Variants in CROCC observed in about 807,000 individuals in gnomAD.
The protein encoded by CROCC is ciliary rootlet coiled-coil, rootletin, also known as rootletin.
A neutral mutation model predicts 245.2 loss-of-function variants in CROCC; 180 were observed. The observed-to-expected ratio is 0.73, with a 90% CI of 0.65 to 0.83. The LOEUF is 0.83. Among genes scored for constraint, CROCC ranks in the 40% least tolerant of loss-of-function variants. CROCC has a pLI of 0.00. For synonymous variants in CROCC, 1,205 were observed against 1,241.6 expected (o/e 0.97, Z 0.62); for missense variants, 2,688 against 2,779.4 (o/e 0.97, Z 0.74).
chr1:16,931,515 A>C (rs1231558200), intron 8 of CROCC, 118 bp downstream of exon 8: 1 of 897,402 alleles, frequency 1.1e-6, no homozygotes, highest in Non-Finnish European at 1.8e-6. Flanking sequence ...AGGGCCGGTG[A>C]GGACACAGAG....
chr1:16,919,086 G>A (rs1309788245), upstream of CROCC, among the ~76,000 whole-genome samples: 4 of 152,282 alleles, frequency 2.6e-5, no homozygotes, highest in Non-Finnish European at 4.4e-5. Flanking sequence ...TTGCAACTTG[G>A]CAACATTTAT....
chr1:16,948,969 C>T (rs9435719), intron 19 of CROCC, 43 bp downstream of exon 19: 36,569 of 1,587,946 alleles, frequency 0.023, no homozygotes, highest in Middle Eastern at 0.044. Context: ...AGGTTCCAGC[C>T]CAGACTGCAG....
At chr1:16,933,862 G>A (rs901166906) in intron 8 of CROCC, among the ~76,000 whole-genome samples, 1 of 152,272 alleles carries the variant, frequency 6.6e-6, no homozygotes, top group African/African-American at 2.4e-5. Context: ...CCCGGCCCCT[G>A]CTTTGTCTTT....
chr1:16,944,266 C>T lies in CROCC; in HGVS notation c.1975C>T (p.Arg659Trp), dbSNP rs772824491. ...DAVQDGARVR[R>W]ELERSHRQLE... ...AGTGCAGGATGGCGCGCGGGTGCGC[C>T]GGGAGCTTGAGCGCAGGTGAGCAGC... Residue 659 changes from arginine to tryptophan, a missense_variant, in exon 14 of 37, where the codon CGG becomes TGG. Physicochemically the swap from Arg to Trp is moderately radical, Grantham distance 101. Coordinates refer to ENST00000375541, the MANE Select transcript of CROCC (RefSeq NM_014675.5). The T allele has an allele frequency of 4.3e-5, 66 of 1,542,148 alleles. No individual in the cohort carries two copies. The highest frequency in any genetic ancestry group is 5.2e-5 in the Non-Finnish European group (59 of 1,142,620).
intron 1 of CROCC, among the ~76,000 whole-genome samples, chr1:16,916,529 CAG>C (rs2075306244): frequency 6.6e-6 from 1 of 152,266 alleles, no homozygotes; most frequent in African/African-American, 2.4e-5. Context: ...TTATTTGAGA[CAG>C]GGTCTTGCTC....
At chr1:16,937,774 G>T (rs1443981528) in intron 10 of CROCC, 37 bp downstream of exon 10, 3 of 1,548,282 alleles carry the variant, frequency 1.9e-6, no homozygotes, top group Non-Finnish European at 2.7e-6. Context: ...GGCAGGGTGA[G>T]ATGGGGTACC....
rs760810990 is a variant in CROCC at position 16,955,442 on chromosome 1, G to C, written c.3596G>C (p.Gly1199Ala). The C allele has an allele frequency of 6.3e-7, 1 of 1,596,820 alleles. No individual in the cohort carries two copies. Among genetic ancestry groups the C allele is most frequent in the East Asian group, 2.3e-5 (1 of 44,412 alleles). The change falls in exon 24 of 37, where the codon GGC (glycine) becomes GCC (alanine). Residue 1199 changes from glycine (G) to alanine (A), a missense_variant. Around this residue, in one of 9 missense-constraint regions of CROCC, gnomAD observed 1,218 missense variants for 1,286.3 expected, o/e 0.95. Coordinates refer to ENST00000375541, the MANE Select transcript of CROCC (RefSeq NM_014675.5). Reference protein sequence around the residue: ...EGREVQRQEAGELRRSLGEGA... With the variant: ...EGREVQRQEAAELRRSLGEGA... ...CGGGAGGTGCAGCGCCAGGAGGCAG[G>C]CGAGCTGCGACGCAGCCTGGGCGAG...
intron 31 of CROCC, among the ~76,000 whole-genome samples, chr1:16,968,752 G>A (rs556003659): frequency 5.3e-5 from 8 of 152,278 alleles, no homozygotes; most frequent in African/African-American, 1.9e-4. Context: ...TAAATAATAC[G>A]GCTAGCCTTG....
At position 16,938,383 on chromosome 1, in the gene CROCC, C is replaced by T. The variant is rs1411283622; in HGVS notation, c.1291-17C>T. 2.8e-5 allele frequency: 44 copies of T among 1,551,466 alleles called. No homozygotes were observed. The highest frequency in any genetic ancestry group is 3.8e-5 in the Non-Finnish European group (44 of 1,147,658). On this transcript the variant is annotated splice_polypyrimidine_tract_variant and intron_variant, in intron 10 of 36. Coordinates refer to ENST00000375541, the MANE Select transcript of CROCC (RefSeq NM_014675.5). ...ACAGAACCCCAACCACCCTTTGTCT[C>T]CCTAACCGCACTCCAGGAATCCCTG...
chr1:16,953,538 C>T (rs1311113761), intron 21 of CROCC, 57 bp downstream of exon 21: 49 of 1,486,460 alleles, frequency 3.3e-5, no homozygotes, highest in Admixed American at 2.4e-4. Context: ...GTTCTGGGGC[C>T]GGGCCCTGCT....
At chr1:16,935,600 A>G (rs1352077807) in intron 8 of CROCC, among the ~76,000 whole-genome samples, 2 of 152,204 alleles carry the variant, frequency 1.3e-5, no homozygotes, top group Non-Finnish European at 2.9e-5. Flanking sequence ...TTGTTTTTGT[A>G]TTCTTAATAG....
chr1:16,967,787 C>T (rs759601622), intron 30 of CROCC, among the ~76,000 whole-genome samples: 5 of 152,144 alleles, frequency 3.3e-5, no homozygotes, highest in Non-Finnish European at 7.4e-5. Context: ...CAGAACTGTC[C>T]GGCTCAGCTC....
intron 1 of CROCC, among the ~76,000 whole-genome samples, chr1:16,916,895 A>T (rs1230093280): frequency 2.8e-4 from 42 of 152,378 alleles, no homozygotes; most frequent in African/African-American, 9.9e-4. Flanking sequence ...AGGCGGGTAG[A>T]TCACTTGAGG....
Position 16,961,005 on chromosome 1 carries a change from G to C in CROCC, c.4280G>C (p.Arg1427Pro). ...AELARVEVQR[R>P]AAEAQLGGLR... ...CTGGCCCGCGTGGAGGTGCAGCGGC[G>C]CGCGGCGGAGGCCCAGCTGGGTGGC... The change falls in exon 27 of 37, where the codon CGC becomes CCC. Residue 1427 changes from arginine to proline, a missense_variant. Around this residue, in one of 9 missense-constraint regions of CROCC, gnomAD observed 1,218 missense variants for 1,286.3 expected, o/e 0.95. Transcript: ENST00000375541. The C allele has an allele frequency of 7.7e-7, 1 of 1,305,702 alleles. No homozygotes were observed. The highest frequency in any genetic ancestry group is 9.7e-7 in the Non-Finnish European group (1 of 1,034,060). 80.9% of individuals were successfully genotyped at this position (1,305,702 alleles called of 1,614,324 possible).
rs534156190 is a variant in CROCC at position 16,936,734 on chromosome 1, C to G, written c.1054C>G (p.Arg352Gly). The change falls in exon 9 of 37, where the codon CGG (arginine) becomes GGG (glycine). Residue 352 changes from arginine (R) to glycine (G), a missense_variant. Arg to Gly is a moderately radical substitution (Grantham distance 125, BLOSUM62 -2). This residue lies in a region of CROCC where 972 missense variants were observed against 895.3 expected (regional missense o/e 1.09). Transcript: ENST00000375541. ...LSTGLRLAES[R>G]AEAALEKQAL... ...CACGGGCCTACGGCTGGCAGAGAGC[C>G]GGGCCGAGGCAGCCCTGGAGAAACA... 6.2e-7 allele frequency: 1 copy of G among 1,608,698 alleles called. No homozygotes were observed. The highest frequency in any genetic ancestry group is 2.2e-5 in the East Asian group (1 of 44,760).
At chr1:16,944,059 GC>G (rs2075991669) in intron 13 of CROCC, 40 bp from the exon 14 acceptor site, 1 of 1,493,472 alleles carries the variant, frequency 6.7e-7, no homozygotes, top group Admixed American at 2.2e-5. Context: ...GCAGAGAGCA[GC>G]CCCAGCATCC....
intron 21 of CROCC, 84 bp downstream of exon 21, chr1:16,953,565 A>C: frequency 1.5e-6 from 2 of 1,352,130 alleles, no homozygotes; most frequent in Non-Finnish European, 2.0e-6. Flanking sequence ...CTTGGCAGCT[A>C]GGAGCCCTGG....
intron 24 of CROCC, 30 bp downstream of exon 24, chr1:16,955,580 G>A: frequency 1.4e-6 from 2 of 1,468,150 alleles, no homozygotes; most frequent in Non-Finnish European, 1.8e-6. Flanking sequence ...CCAGTCCTGA[G>A]TCCTCATGGG....
At chr1:16,944,319 G>A (rs6684698) in intron 14 of CROCC, 37 bp downstream of exon 14, 178 of 1,487,268 alleles carry the variant, frequency 1.2e-4, no homozygotes, top group East Asian at 2.7e-4. Flanking sequence ...GGACCCTTCA[G>A]ATGTGCCTCG....
Sources: allele counts gnomAD v4.1 joint callset (sites outside exome capture counted in the v4.1 genomes callset), GRCh38; gene constraint gnomAD v4.1.1; regional missense constraint gnomAD v4.1.1; transcripts MANE v1.5; gene names NCBI Gene and HGNC (gene_info 2026-07-23, HGNC 2026-07-21).